Variants in PDE8A observed in about 807,000 individuals in gnomAD.
PDE8A encodes the protein phosphodiesterase 8A.
Under a neutral mutation model 105.0 loss-of-function variants are expected in PDE8A, and 59 were observed. That is an observed-to-expected ratio of 0.56 (90% CI 0.46 to 0.70). The LOEUF (loss-of-function observed/expected upper bound fraction) is 0.70, where lower values mean the gene tolerates loss of function less well. PDE8A is among the 30% of genes least tolerant of loss of function. The probability of loss-of-function intolerance (pLI) is 0.00; values close to 1 mark genes in which losing one functional copy is unlikely to be tolerated. For missense variants in PDE8A, 1,014 were observed against 1,045.9 expected, an observed-to-expected ratio of 0.97 and a Z score of 0.42; for synonymous variants, 355 against 371.9, an observed-to-expected ratio of 0.95 and a Z score of 0.52.
chr15:85,111,215 G>A (rs1488863727), intron 12 of PDE8A, among the ~76,000 whole-genome samples: 2 of 151,998 alleles, frequency 1.3e-5, no homozygotes, highest in Non-Finnish European at 2.9e-5. Flanking sequence ...AAAGAGCAGA[G>A]GTTCTTAAGG....
At chr15:85,015,663 C>T (rs190904061) in intron 1 of PDE8A, among the ~76,000 whole-genome samples, 100 of 152,200 alleles carry the variant, frequency 6.6e-4, no homozygotes, top group Non-Finnish European at 1.0e-3. Flanking sequence ...CTTCTCATAT[C>T]GTGATTGAGA....
chr15:85,060,309 A>G (rs914089514), intron 1 of PDE8A, among the ~76,000 whole-genome samples: 2 of 152,254 alleles, frequency 1.3e-5, no homozygotes, highest in African/African-American at 2.4e-5. Flanking sequence ...TTCTACTCCT[A>G]TACTGCTTTA....
At chr15:85,067,312 C>T in intron 3 of PDE8A, 108 bp downstream of exon 3, 1 of 726,780 alleles carries the variant, frequency 1.4e-6, no homozygotes, top group Non-Finnish European at 2.2e-6. Flanking sequence ...GCTTTCCATG[C>T]ATGTGAAATA....
chr15:85,122,175 G>A (rs542841597), intron 18 of PDE8A, among the ~76,000 whole-genome samples: 36 of 152,130 alleles, frequency 2.4e-4, no homozygotes, highest in African/African-American at 4.8e-4. Context: ...TTCGTAGCAC[G>A]TATCACATTT....
In PDE8A at chr15:85,123,578, T is replaced by G. The variant is rs148438127; in HGVS notation, c.2085+385T>G. Among the ~76,000 whole-genome samples the G allele has an allele frequency of 2.3e-4, 35 of 152,214 alleles. No individual in the cohort carries two copies. The East Asian group carries it at 6.8e-3, about 29-fold the overall frequency. On this transcript the variant is annotated intron_variant, in intron 19 of 21. Coordinates refer to ENST00000394553, the MANE Select transcript of PDE8A (RefSeq NM_002605.3). Reference sequence around the variant, plus strand: ...GCTAGGTCCATCTCTCCTTTTCATGTTTTTCTGCCTGCTTTATATTTGATG... The same window carrying G: ...GCTAGGTCCATCTCTCCTTTTCATGGTTTTCTGCCTGCTTTATATTTGATG...
rs554969862 is a variant in PDE8A, at chr15:85,014,898, T to C, written c.186+32550T>C. ...GTTTTCATCAAAGAAACCCTGTACC[T>C]AATAACAGTCCCTCCCCATTGCCTC... On this transcript the variant is annotated intron_variant, in intron 1 of 21. Coordinates refer to ENST00000394553, the MANE Select transcript of PDE8A (RefSeq NM_002605.3). 2.1e-4 allele frequency among the ~76,000 whole-genome samples: 32 copies of C among 152,292 alleles called. No individual in the cohort carries two copies. In the South Asian group the frequency reaches 3.7e-3, roughly 18 times the overall value.
chr15:85,002,275 A>G (rs1016934570), intron 1 of PDE8A, among the ~76,000 whole-genome samples: 2 of 152,040 alleles, frequency 1.3e-5, no homozygotes, highest in African/African-American at 4.8e-5. Context: ...TCTCATGACC[A>G]CCCTCTTGGG....
chr15:84,993,192 C>T (rs1405473870), intron 1 of PDE8A, among the ~76,000 whole-genome samples: 1 of 151,920 alleles, frequency 6.6e-6, no homozygotes, highest in Admixed American at 6.6e-5. Flanking sequence ...GCCTGTAATC[C>T]CAGCACTTTG....
At chr15:85,083,022 G>C (rs974513317) in intron 5 of PDE8A, among the ~76,000 whole-genome samples, 4 of 152,248 alleles carry the variant, frequency 2.6e-5, no homozygotes, top group Admixed American at 2.6e-4. Context: ...ATAATCCTCT[G>C]TCGGCTTCAC....
chr15:84,981,019 TTCAC>T (rs528336905), upstream of PDE8A, among the ~76,000 whole-genome samples: 38 of 152,230 alleles, frequency 2.5e-4, no homozygotes, highest in South Asian at 4.6e-3. Context: ...CAGTTTGACT[TTCAC>T]TACCCCCAAA....
chr15:85,031,476 C>T (rs1049668766), intron 1 of PDE8A, among the ~76,000 whole-genome samples: 2 of 152,076 alleles, frequency 1.3e-5, no homozygotes, highest in Non-Finnish European at 1.5e-5. Context: ...CCTGTTGCTC[C>T]AGACCTACCC....
At chr15:85,071,622 A>C (rs1298974248) in intron 3 of PDE8A, among the ~76,000 whole-genome samples, 1 of 152,200 alleles carries the variant, frequency 6.6e-6, no homozygotes, top group East Asian at 1.9e-4. Flanking sequence ...GCCTGCTGGC[A>C]GTGTTCTCCA....
chr15:85,060,663 G>A (rs542695159), intron 1 of PDE8A, among the ~76,000 whole-genome samples: 10 of 152,166 alleles, frequency 6.6e-5, no homozygotes, highest in South Asian at 4.1e-4. Flanking sequence ...GCCCAAAAGC[G>A]TACACTAATA....
chr15:84,981,191 G>A (rs2079701010), upstream of PDE8A, among the ~76,000 whole-genome samples: 1 of 152,220 alleles, frequency 6.6e-6, no homozygotes, highest in South Asian at 2.1e-4. Flanking sequence ...GTGTGTCCCT[G>A]GGCAAGTCTC....
intron 1 of PDE8A, among the ~76,000 whole-genome samples, chr15:85,033,497 G>A (rs922886433): frequency 1.3e-5 from 2 of 152,062 alleles, no homozygotes; most frequent in African/African-American, 4.8e-5. Context: ...ATACACACAG[G>A]CTTGCAAGTA....
intron 17 of PDE8A, 70 bp from the exon 18 acceptor site, chr15:85,120,725 AAG>A: frequency 2.2e-6 from 2 of 910,044 alleles, no homozygotes; most frequent in Non-Finnish European, 3.4e-6. Flanking sequence ...ATAGGGGAGA[AAG>A]AAAACTATAC....
chr15:85,078,132 C>T (rs537993747), intron 5 of PDE8A, among the ~76,000 whole-genome samples: 107 of 139,246 alleles, frequency 7.7e-4, no homozygotes, highest in Non-Finnish European at 1.3e-3. Context: ...GAGGACACAT[C>T]CTAGTGAAAC....
rs755265237 is a variant in PDE8A, at chr15:85,064,367, C to A, written c.187-3C>A. 1.2e-6 allele frequency: 2 copies of A among 1,601,928 alleles called. No homozygotes were observed. The highest frequency in any genetic ancestry group is 1.7e-6 in the Non-Finnish European group (2 of 1,170,366). ...CATTTTTAAGCCAATCTCTTTCTTA[C>A]AGGTAGCAGTAGCTGATGTGCAGTT... is the stretch of plus-strand genomic sequence containing the variant. On this transcript the variant is annotated splice_polypyrimidine_tract_variant and splice_region_variant and intron_variant, in intron 1 of 21. Transcript: ENST00000394553.
At chr15:85,016,005 G>T (rs1229003788) in intron 1 of PDE8A, among the ~76,000 whole-genome samples, 5 of 152,074 alleles carry the variant, frequency 3.3e-5, no homozygotes, top group African/African-American at 9.7e-5. Context: ...GTGTGTTGGT[G>T]CACATCCGTA....
Sources: gnomAD v4.1 joint callset for allele counts (sites outside exome capture counted in the v4.1 genomes callset) on GRCh38, gnomAD v4.1.1 for gene constraint, MANE v1.5 for transcripts, NCBI Gene and HGNC (gene_info 2026-07-23, HGNC 2026-07-21) for gene names.